Variants in WDR64 observed in about 807,000 individuals in gnomAD.
WDR64 encodes WD repeat domain 64.
WDR64 carries 112 observed loss-of-function variants against 139.3 expected under a neutral mutation model. That is an observed-to-expected ratio of 0.80 (90% CI 0.69 to 0.94). The LOEUF (loss-of-function observed/expected upper bound fraction) is 0.94, where lower values mean the gene tolerates loss of function less well. WDR64 is among the 40% of genes least tolerant of loss of function. WDR64 has a pLI of 0.00. For missense variants in WDR64, 1,206 were observed against 1,293.1 expected (o/e 0.93, Z 1.03); for synonymous variants, 444 against 437.7 (o/e 1.01, Z -0.18).
At chr1:241,770,892 A>C (rs1008721464) in intron 18 of WDR64, among the ~76,000 whole-genome samples, 4 of 152,154 alleles carry the variant, frequency 2.6e-5, no homozygotes, top group African/African-American at 9.6e-5. Context: ...TATATTTTTC[A>C]ATTTTTATAT....
At chr1:241,738,607 C>A (rs1669417731) in intron 11 of WDR64, 118 bp downstream of exon 11, 5 of 1,067,378 alleles carry the variant, frequency 4.7e-6, no homozygotes, top group Non-Finnish European at 6.5e-6. Flanking sequence ...ATTTATCAAA[C>A]CATGATTCGT....
intron 20 of WDR64, 87 bp from the exon 21 acceptor site, chr1:241,775,018 T>C: frequency 9.4e-7 from 1 of 1,060,470 alleles, no homozygotes; most frequent in South Asian, 1.6e-5. Context: ...AGATGCATTA[T>C]TTACATAGAA....
intron 2 of WDR64, among the ~76,000 whole-genome samples, chr1:241,666,165 T>C (rs1178020514): frequency 1.3e-5 from 2 of 152,146 alleles, no homozygotes; most frequent in African/African-American, 4.8e-5. Flanking sequence ...ATAATATATA[T>C]ATAAGTGATA....
At chr1:241,725,198 C>CA (rs1668757827) in intron 10 of WDR64, among the ~76,000 whole-genome samples, 2 of 151,976 alleles carry the variant, frequency 1.3e-5, no homozygotes, top group Non-Finnish European at 2.9e-5. Context: ...ATAAAACTGG[C>CA]AAAAACTTCC....
At chr1:241,704,455 G>A (rs1355157230) in intron 8 of WDR64, among the ~76,000 whole-genome samples, 4 of 152,106 alleles carry the variant, frequency 2.6e-5, no homozygotes, top group African/African-American at 7.2e-5. Flanking sequence ...TTTTTCAAAG[G>A]ATATGCAGCT....
At chr1:241,771,243 G>A (rs1008939337) in intron 18 of WDR64, among the ~76,000 whole-genome samples, 2 of 152,184 alleles carry the variant, frequency 1.3e-5, no homozygotes, top group Non-Finnish European at 2.9e-5. Context: ...GCAAAAGCCA[G>A]ACAGATTGTA....
At position 241,705,562 on chromosome 1, in the gene WDR64, T is replaced by TAAATAAATA. The variant is rs370613376; in HGVS notation, c.975-6238_975-6237insATAAATAAA. Among the ~76,000 whole-genome samples, 1,032 of 112,502 alleles carry TAAATAAATA rather than the reference T, an allele frequency of 9.2e-3. 10 individuals carry two copies. Among genetic ancestry groups the TAAATAAATA allele is most frequent in the Middle Eastern group, 0.018 (4 of 228 alleles). The allele number at this position is 112,502 out of a possible 152,430, so 73.8% of individuals were successfully genotyped here. A position where few individuals can be genotyped will look rare whatever the true frequency, so the allele number is the denominator to read the frequency against. On this transcript the variant is annotated intron_variant, in intron 8 of 27. Transcript: ENST00000437684. Reference sequence around the variant, plus strand: ...GTCTCTAAAAAAATAAATAAATAAATAATAATAATAATAATAATAATAATA... The same window carrying TAAATAAATA: ...GTCTCTAAAAAAATAAATAAATAAATAAATAAATAAATAATAATAATAATAATAATAATA...
intron 8 of WDR64, among the ~76,000 whole-genome samples, chr1:241,701,221 C>T (rs1574021239): frequency 6.6e-6 from 1 of 152,304 alleles, no homozygotes; most frequent in East Asian, 1.9e-4. Flanking sequence ...TCACAATCTC[C>T]TTCTCTTAAT....
chr1:241,705,307 C>A (rs1490123126), intron 8 of WDR64, among the ~76,000 whole-genome samples: 1 of 151,908 alleles, frequency 6.6e-6, no homozygotes, highest in Non-Finnish European at 1.5e-5. Context: ...TTTGGGAGGC[C>A]AAGGAGGGCG....
chr1:241,795,156 C>A, intron 25 of WDR64, 51 bp from the exon 26 acceptor site: 1 of 1,515,008 alleles, frequency 6.6e-7, no homozygotes, highest in Non-Finnish European at 9.1e-7. Flanking sequence ...GGTATTTTAC[C>A]AGTGATAGGA....
chr1:241,725,474 C>A (rs1451221265), intron 10 of WDR64, among the ~76,000 whole-genome samples: 1 of 150,380 alleles, frequency 6.6e-6, no homozygotes, highest in Non-Finnish European at 1.5e-5. Flanking sequence ...CGATGCAAAA[C>A]CCTTCGATGG....
In WDR64 at chr1:241,733,854, C is replaced by G. The variant is rs187393435; in HGVS notation, c.1195-4509C>G. Among the ~76,000 whole-genome samples the G allele has an allele frequency of 5.5e-4, 83 of 152,108 alleles. 1 individual carries two copies. The highest frequency in any genetic ancestry group is 9.8e-4 in the Admixed American group (15 of 15,270). The stretch of plus-strand genomic sequence containing the variant: ...CTGCCCTTTGTTTTCTTCCTAAACC[C>G]CCTCAGTGCTGACCTGGCTCCACTT... On this transcript the variant is annotated intron_variant, in intron 10 of 27. Transcript: ENST00000437684.
chr1:241,700,938 C>T (rs977140738), intron 8 of WDR64, among the ~76,000 whole-genome samples: 3 of 152,126 alleles, frequency 2.0e-5, no homozygotes, highest in Non-Finnish European at 4.4e-5. Flanking sequence ...ATAAATACCC[C>T]AACACCAGAG....
At chr1:241,713,596 T>G (rs1490015061) in intron 9 of WDR64, among the ~76,000 whole-genome samples, 5 of 148,106 alleles carry the variant, frequency 3.4e-5, no homozygotes, top group Non-Finnish European at 6.0e-5. Context: ...TTGAGATTGA[T>G]TGAGATAATT....
chr1:241,728,525 C>G (rs1468089587), intron 10 of WDR64, among the ~76,000 whole-genome samples: 2 of 152,270 alleles, frequency 1.3e-5, no homozygotes, highest in East Asian at 3.9e-4. Flanking sequence ...CCACTACATG[C>G]CTTTTCCTAA....
At chr1:241,655,710 T>TCTTTC (rs60959580) in intron 1 of WDR64, among the ~76,000 whole-genome samples, 1 of 143,162 alleles carries the variant, frequency 7.0e-6, no homozygotes, top group South Asian at 2.2e-4. Context: ...CTTTTCTTTT[T>TCTTTC]TTTTTTTTGA....
chr1:241,695,638 G>A (rs1008990561), intron 8 of WDR64, among the ~76,000 whole-genome samples: 4 of 152,082 alleles, frequency 2.6e-5, no homozygotes, highest in African/African-American at 4.8e-5. Context: ...TTACTTAGAG[G>A]ACTATAAAAA....
In WDR64 at chr1:241,679,553, G is replaced by T; in HGVS notation, c.582G>T (p.Arg194Ser). Residue 194 changes from arginine to serine, a missense_variant, in exon 6 of 28, where the codon AGG becomes AGT. Transcript: ENST00000437684. ...QLKRIVATTE[R>S]TIIVWDYKAQ... Reference sequence around the variant, plus strand: ...AACGAATCGTAGCCACAACCGAAAGGACCATTATTGTCTGGGATTATAAAG... The same window carrying T: ...AACGAATCGTAGCCACAACCGAAAGTACCATTATTGTCTGGGATTATAAAG... 6.4e-7 allele frequency: 1 copy of T among 1,551,832 alleles called. No homozygotes were observed. Among genetic ancestry groups the T allele is most frequent in the Non-Finnish European group, 8.7e-7 (1 of 1,146,948 alleles).
chr1:241,729,597 C>T (rs531357506), intron 10 of WDR64, among the ~76,000 whole-genome samples: 2 of 152,300 alleles, frequency 1.3e-5, no homozygotes, highest in African/African-American at 4.8e-5. Flanking sequence ...TCCTCCCATT[C>T]CCAGACATCC....
Sources: allele counts gnomAD v4.1 joint callset (sites outside exome capture counted in the v4.1 genomes callset), GRCh38; gene constraint gnomAD v4.1.1; transcripts MANE v1.5; gene names NCBI Gene and HGNC (gene_info 2026-07-23, HGNC 2026-07-21).